The following LRRC20 variants were observed in gnomAD, a reference collection of about 807,000 sequenced individuals.
The protein encoded by LRRC20 is leucine-rich repeat-containing protein 20.
A neutral mutation model predicts 14.4 loss-of-function variants in LRRC20; 11 were observed. The ratio of observed to expected loss-of-function variants is 0.77; its 90% CI spans 0.48 to 1.27. The LOEUF is 1.27. Ranked by LOEUF, LRRC20 falls within the 50% of genes most tolerant of loss-of-function variation. The probability of loss-of-function intolerance (pLI) is 0.00; values close to 1 mark genes in which losing one functional copy is unlikely to be tolerated. For synonymous variants in LRRC20, 121 were observed against 107.3 expected (o/e 1.13, Z -0.79); for missense variants, 219 against 251.2 (o/e 0.87, Z 0.87).
intron 2 of LRRC20, among the ~76,000 whole-genome samples, chr10:70,357,199 C>T (rs1295050130): frequency 2.6e-5 from 4 of 152,048 alleles, no homozygotes; most frequent in Admixed American, 6.6e-5. Context: ...TGGGGCTGGG[C>T]GGAGATCAGG....
intron 2 of LRRC20, among the ~76,000 whole-genome samples, chr10:70,366,000 G>A (rs975603120): frequency 3.4e-5 from 5 of 149,196 alleles, no homozygotes; most frequent in African/African-American, 1.2e-4. Context: ...ACACCGGGAG[G>A]TAGAGCCTGC....
chr10:70,376,511 G>T lies in LRRC20; in HGVS notation c.23C>A (p.Ala8Asp), dbSNP rs1161556183. The T allele has an allele frequency of 1.9e-6, 3 of 1,613,788 alleles. No homozygotes were observed. The highest frequency in any genetic ancestry group is 2.5e-6 in the Non-Finnish European group (3 of 1,180,018). The stretch of plus-strand genomic sequence containing the variant: ...GACCTTCCTTGCTACTCTGGCCACG[G>T]CCTCACCCATCTTCTTCAGCATGCA... MLKKMGE[A>D]VARVARKVNE... The change falls in exon 2 of 5, where the codon GCC becomes GAC. Residue 8 changes from alanine to aspartate, a missense_variant. By Grantham distance (126) the Ala-to-Asp change is moderately radical. Transcript: ENST00000446961.
chr10:70,302,312 CA>C (rs908066949), intron 4 of LRRC20, among the ~76,000 whole-genome samples: 18 of 142,280 alleles, frequency 1.3e-4, no homozygotes, highest in Admixed American at 2.1e-4. Context: ...AGCTCTGTCT[CA>C]AAAAAAAAAG....
Position 70,353,638 on chromosome 10 carries a change from G to A in LRRC20, c.83-12936C>T, listed in dbSNP as rs183357243. On this transcript the variant is annotated intron_variant, in intron 2 of 4. Coordinates refer to ENST00000446961, the MANE Select transcript of LRRC20 (RefSeq NM_001278212.2). ...TCACCATGTTGGCCAGGCTGGTCTCGAACTCCTGACCTCAGATGATCCATG... is the reference window on the plus strand; with the variant it reads ...TCACCATGTTGGCCAGGCTGGTCTCAAACTCCTGACCTCAGATGATCCATG... 5.1e-3 allele frequency among the ~76,000 whole-genome samples: 770 copies of A among 152,180 alleles called. 6 individuals carry two copies. Among genetic ancestry groups the A allele is most frequent in the Non-Finnish European group, 8.0e-3 (544 of 68,000 alleles).
At chr10:70,355,706 G>T (rs191942938) in intron 2 of LRRC20, among the ~76,000 whole-genome samples, 21 of 152,282 alleles carry the variant, frequency 1.4e-4, no homozygotes, top group Admixed American at 1.2e-3. Flanking sequence ...TTTAAAGAAA[G>T]GAACATCCCC....
At chr10:70,343,789 A>G (rs1229194742) in intron 2 of LRRC20, among the ~76,000 whole-genome samples, 2 of 152,232 alleles carry the variant, frequency 1.3e-5, no homozygotes, top group African/African-American at 4.8e-5. Context: ...AGGAGTAGGC[A>G]GATCTCATCA....
At chr10:70,371,288 C>T (rs1404135126) in intron 2 of LRRC20, among the ~76,000 whole-genome samples, 2 of 151,898 alleles carry the variant, frequency 1.3e-5, no homozygotes, top group Admixed American at 1.3e-4. Flanking sequence ...CAGGTGTGTG[C>T]CACTGCACCT....
At chr10:70,342,611 G>A (rs116986509) in intron 2 of LRRC20, among the ~76,000 whole-genome samples, 3,754 of 152,304 alleles carry the variant, frequency 0.025, 73 homozygotes, top group Non-Finnish European at 0.041. Context: ...CTGCCTAGCA[G>A]AGCTGTTGGG....
intron 4 of LRRC20, among the ~76,000 whole-genome samples, chr10:70,319,802 C>T (rs1842006967): frequency 6.6e-6 from 1 of 152,210 alleles, no homozygotes; most frequent in South Asian, 2.1e-4. Flanking sequence ...ATAAATGGCT[C>T]TTATCTGAAC....
At chr10:70,301,671 C>T (rs77461292) in intron 4 of LRRC20, among the ~76,000 whole-genome samples, 163 bp from the exon 5 acceptor site, 2,121 of 152,272 alleles carry the variant, frequency 0.014, 51 homozygotes, top group African/African-American at 0.048. Context: ...TGCAAAGGGC[C>T]ATCGGGCCCA....
intron 4 of LRRC20, among the ~76,000 whole-genome samples, chr10:70,315,470 G>C (rs954678327): frequency 6.6e-6 from 1 of 152,188 alleles, no homozygotes; most frequent in Non-Finnish European, 1.5e-5. Context: ...ACAAGATCCT[G>C]ACCTTGTGTA....
At chr10:70,357,447 A>C (rs571047001) in intron 2 of LRRC20, among the ~76,000 whole-genome samples, 60 of 152,364 alleles carry the variant, frequency 3.9e-4, no homozygotes, top group Middle Eastern at 3.4e-3. Context: ...GGCTCTTAGC[A>C]CAGTGCCTGG....
intron 2 of LRRC20, among the ~76,000 whole-genome samples, chr10:70,349,334 T>G (rs532777717): frequency 6.6e-6 from 1 of 152,276 alleles, no homozygotes; most frequent in African/African-American, 2.4e-5. Flanking sequence ...TCCCAGCATT[T>G]TGGGAGGCTG....
At chr10:70,302,567 T>C (rs1007230721) in intron 4 of LRRC20, among the ~76,000 whole-genome samples, 1 of 152,180 alleles carries the variant, frequency 6.6e-6, no homozygotes, top group Non-Finnish European at 1.5e-5. Flanking sequence ...AAGTAATTAA[T>C]GCCACTGAGC....
intron 4 of LRRC20, among the ~76,000 whole-genome samples, chr10:70,303,878 T>C (rs554052561): frequency 6.6e-6 from 1 of 152,198 alleles, no homozygotes; most frequent in Non-Finnish European, 1.5e-5. Context: ...TTAAAGGATA[T>C]GGGGACTCCT....
At chr10:70,368,032 G>A (rs567326644) in intron 2 of LRRC20, among the ~76,000 whole-genome samples, 19 of 44,884 alleles carry the variant, frequency 4.2e-4, no homozygotes, top group African/African-American at 1.4e-3. Context: ...CACCCAGGCT[G>A]GAGTGCAGTA....
At chr10:70,311,088 T>C (rs549013634) in intron 4 of LRRC20, among the ~76,000 whole-genome samples, 2 of 152,334 alleles carry the variant, frequency 1.3e-5, no homozygotes, top group South Asian at 4.1e-4. Context: ...ATGCTGTTCT[T>C]CATGATATGC....
intron 3 of LRRC20, among the ~76,000 whole-genome samples, chr10:70,332,797 G>A (rs556168894): frequency 5.9e-5 from 9 of 152,344 alleles, no homozygotes; most frequent in African/African-American, 2.2e-4. Flanking sequence ...ACATAGGCAT[G>A]GAATATCTCC....
intron 3 of LRRC20, among the ~76,000 whole-genome samples, 189 bp downstream of exon 3, chr10:70,340,364 G>A (rs957825380): frequency 6.6e-6 from 1 of 152,206 alleles, no homozygotes; most frequent in African/African-American, 2.4e-5. Flanking sequence ...GCCAGCTAGA[G>A]GCAGAAGTGA....
Sources: gnomAD v4.1 joint callset for allele counts (sites outside exome capture counted in the v4.1 genomes callset) on GRCh38, gnomAD v4.1.1 for gene constraint, MANE v1.5 for transcripts, NCBI Gene and HGNC (gene_info 2026-07-23, HGNC 2026-07-21) for gene names.